The following OSGEP variants were observed in gnomAD, a reference collection of about 807,000 sequenced individuals.
OSGEP encodes O-sialoglycoprotein endopeptidase, also known as tRNA N6-adenosine threonylcarbamoyltransferase.
A neutral mutation model predicts 44.1 loss-of-function variants in OSGEP; 39 were observed. The observed-to-expected ratio is 0.88, with a 90% CI of 0.69 to 1.16. The LOEUF is 1.16. Ranked by LOEUF, OSGEP falls within the 50% of genes most tolerant of loss-of-function variation. OSGEP has a pLI of 0.00. For synonymous variants in OSGEP, 139 were observed against 161.9 expected, an observed-to-expected ratio of 0.86 and a Z score of 1.07; for missense variants, 403 against 443.1, an observed-to-expected ratio of 0.91 and a Z score of 0.81.
intron 8 of OSGEP, 48 bp downstream of exon 8, chr14:20,447,856 G>T (rs751961078): frequency 1.5e-6 from 2 of 1,363,844 alleles, no homozygotes; most frequent in Non-Finnish European, 2.1e-6. Flanking sequence ...GGAGGAAGAC[G>T]CATAGTGTTA....
At chr14:20,447,777 C>G in intron 8 of OSGEP, 87 bp from the exon 9 acceptor site, 1 of 1,266,872 alleles carries the variant, frequency 7.9e-7, no homozygotes. Flanking sequence ...TCACTTAGAA[C>G]AATGACATAG....
At chr14:20,449,129 A>C (rs1881031675) in intron 4 of OSGEP, 42 bp downstream of exon 4, 1 of 1,538,654 alleles carries the variant, frequency 6.5e-7, no homozygotes, top group African/African-American at 1.4e-5. Flanking sequence ...CTTCCCAAAA[A>C]TTCACCCACA....
In OSGEP at chr14:20,448,088, A is replaced by G. The variant is rs1193224859; in HGVS notation, c.702+18T>C. The stretch of plus-strand genomic sequence containing the variant: ...ACCTTCAGCCCCAACTTTCTGTCCC[A>G]GTTTTTTACTGCATTACCTGCAGGG... On this transcript the variant is annotated intron_variant, in intron 7 of 10. Coordinates refer to ENST00000206542, the MANE Select transcript of OSGEP (RefSeq NM_017807.4). 1.1e-5 allele frequency: 17 copies of G among 1,609,392 alleles called. No individual in the cohort carries two copies. The highest frequency in any genetic ancestry group is 1.4e-5 in the Non-Finnish European group (17 of 1,175,702).
At chr14:20,448,704 G>C (rs370221104) in intron 6 of OSGEP, 29 bp downstream of exon 6, 5 of 1,487,314 alleles carry the variant, frequency 3.4e-6, no homozygotes, top group Non-Finnish European at 4.7e-6. Flanking sequence ...AAGCATGAAA[G>C]TGCCCGTCTC....
intron 3 of OSGEP, chr14:20,451,369 C>T (rs927746215): frequency 2.8e-5 from 7 of 250,654 alleles, no homozygotes; most frequent in South Asian, 1.8e-4. Flanking sequence ...TGCAATGGTG[C>T]GATCTCGGTT....
At chr14:20,451,286 T>C in intron 3 of OSGEP, 1 of 287,458 alleles carries the variant, frequency 3.5e-6, no homozygotes, top group African/African-American at 2.3e-5. Context: ...TAGTGTCCTT[T>C]AGTTGTTTTT....
At chr14:20,449,058 A>G (rs1394533140) in intron 4 of OSGEP, 45 bp from the exon 5 acceptor site, 1 of 1,557,548 alleles carries the variant, frequency 6.4e-7, no homozygotes, top group South Asian at 1.1e-5. Context: ...GAAGAGGATG[A>G]AATCAGATAT....
chr14:20,450,174 G>C (rs1350715633), intron 3 of OSGEP: 1 of 152,116 alleles, frequency 6.6e-6, no homozygotes, highest in Non-Finnish European at 1.5e-5. Flanking sequence ...CTCCCAAGCA[G>C]CTGGAATTAC....
chr14:20,454,397 A>G, intron 1 of OSGEP, 172 bp downstream of exon 1: 1 of 695,260 alleles, frequency 1.4e-6, no homozygotes, highest in South Asian at 1.6e-5. Context: ...CATCAGATCC[A>G]CGTCCAAGTG....
At position 20,454,616 on chromosome 14, in the gene OSGEP, T is replaced by C; in HGVS notation, c.68A>G (p.Lys23Arg). 1 of 1,614,218 alleles carries C rather than the reference T, an allele frequency of 6.2e-7. No individual in the cohort carries two copies. Among genetic ancestry groups the C allele is most frequent in the Non-Finnish European group, 8.5e-7 (1 of 1,180,016 alleles). Residue 23 changes from lysine to arginine, a missense_variant, in exon 1 of 11, where the codon AAG (lysine) becomes AGG (arginine). Transcript: ENST00000206542. ...AGTCCGCCGCGGGTTCGCCAGCACC[T>C]TGCCATCCCGCACCACGCCCACGCC... ...KIGVGVVRDG[K>R]VLANPRRTYV...
rs1315676918 is a variant in OSGEP, at chr14:20,452,021, C to T, written c.364G>A (p.Gly122Arg). The T allele has an allele frequency of 5.6e-6, 9 of 1,613,226 alleles. No homozygotes were observed. Among genetic ancestry groups the T allele is most frequent in the Non-Finnish European group, 7.6e-6 (9 of 1,179,676 alleles). ...GHIEMGRLIT[G>R]ATSPTVLYVS... The stretch of plus-strand genomic sequence containing the variant: ...TACAACACGGTTGGGCTGGTGGCTC[C>T]AGTGATGAGGCGGCCCATCTCAATG... The change falls in exon 3 of 11, where the codon GGA (glycine) becomes AGA (arginine). Residue 122 changes from glycine to arginine, a missense_variant. Physicochemically the swap from Gly to Arg is moderately radical, Grantham distance 125. Transcript: ENST00000206542.
chr14:20,449,054 G>A (rs527326305), intron 4 of OSGEP, 41 bp from the exon 5 acceptor site: 4 of 1,551,982 alleles, frequency 2.6e-6, no homozygotes, highest in East Asian at 2.2e-5. Context: ...AATGGAAGAG[G>A]ATGAAATCAG....
intron 3 of OSGEP, chr14:20,450,192 C>T (rs1312082646): frequency 6.6e-6 from 1 of 152,200 alleles, no homozygotes; most frequent in Non-Finnish European, 1.5e-5. Flanking sequence ...TACAGGCACC[C>T]ACCACCACTT....
intron 7 of OSGEP, 42 bp downstream of exon 7, chr14:20,448,064 C>G: frequency 6.3e-7 from 1 of 1,594,630 alleles, no homozygotes; most frequent in Non-Finnish European, 8.6e-7. Flanking sequence ...CAATATAAAA[C>G]CTTCAGCCCC....
chr14:20,454,308 T>C (rs1382082447), intron 1 of OSGEP, among the ~76,000 whole-genome samples: 1 of 152,236 alleles, frequency 6.6e-6, no homozygotes, highest in East Asian at 1.9e-4. Flanking sequence ...TCTATTTATA[T>C]GTCTGACTCC....
rs1408883842 is a variant in OSGEP, at chr14:20,447,973, C to A, written c.724G>T (p.Val242Leu). Residue 242 changes from valine to leucine, a missense_variant, in exon 8 of 11, where the codon GTA becomes TTA. Physicochemically the swap from Val to Leu is conservative, Grantham distance 32 (BLOSUM62 1). Coordinates refer to ENST00000206542, the MANE Select transcript of OSGEP (RefSeq NM_017807.4). ...GCCATGGCTCGCTCTGTGATCTCTA[C>A]CAGCATTGCAAACACAGTTTCCTGT... is the stretch of plus-strand genomic sequence containing the variant. ...SLQETVFAMLVEITERAMAHC... is the reference protein window; with the variant it reads ...SLQETVFAMLLEITERAMAHC... 1.9e-6 allele frequency: 3 copies of A among 1,613,854 alleles called. No homozygotes were observed. In the African/African-American group the frequency reaches 4.0e-5, roughly 22 times the overall value.
At position 20,448,228 on chromosome 14, in the gene OSGEP, A is replaced by G. The variant is rs1881010510; in HGVS notation, c.637-57T>C. On this transcript the variant is annotated intron_variant, in intron 6 of 10. Transcript: ENST00000206542. ...CAAATCATGGTTTTGGGATTACACG[A>G]GAGCAAAAATTAATGCATTCGGAGG... The G allele has an allele frequency of 3.5e-6, 5 of 1,446,734 alleles. No individual in the cohort carries two copies. In the South Asian group the frequency reaches 4.6e-5, roughly 13 times the overall value. 89.6% of individuals were successfully genotyped at this position (1,446,734 alleles called of 1,614,324 possible).
chr14:20,447,618 T>C lies in OSGEP; in HGVS notation c.866A>G (p.Glu289Gly). The change falls in exon 9 of 11, where the codon GAG (glutamate) becomes GGG (glycine). Residue 289 changes from glutamate to glycine, a missense_variant. Coordinates refer to ENST00000206542, the MANE Select transcript of OSGEP (RefSeq NM_017807.4). ...ACCAAAGGGAAAGTGTCTTTACCTCTCATCTGTAGCAAAAAGCCGGGCTCC... is the reference window on the plus strand; with the variant it reads ...ACCAAAGGGAAAGTGTCTTTACCTCCCATCTGTAGCAAAAAGCCGGGCTCC... ...ERGARLFATD[E>G]RFCIDNGAMI... 6.2e-7 allele frequency: 1 copy of C among 1,613,824 alleles called. No individual in the cohort carries two copies.
At chr14:20,449,782 AT>A (rs1178973353) in intron 3 of OSGEP, 1 of 159,600 alleles carries the variant, frequency 6.3e-6, no homozygotes, top group East Asian at 1.8e-4. Flanking sequence ...CTGGGCTACC[AT>A]GTGTGGCTTA....
Sources: allele counts gnomAD v4.1 joint callset (sites outside exome capture counted in the v4.1 genomes callset), GRCh38; gene constraint gnomAD v4.1.1; transcripts MANE v1.5; gene names NCBI Gene and HGNC (gene_info 2026-07-23, HGNC 2026-07-21).